Variants in IMPG1 observed in about 807,000 individuals in gnomAD.
IMPG1 encodes the protein interphotoreceptor matrix proteoglycan of 150 kDa.
In IMPG1, 85 loss-of-function variants were observed where a neutral mutation model predicts 92.0. That is an observed-to-expected ratio of 0.92 (90% CI 0.78 to 1.11). The LOEUF (loss-of-function observed/expected upper bound fraction) is 1.11. IMPG1 is among the 50% of genes least tolerant of loss of function. The pLI is 0.00. For synonymous variants in IMPG1, 367 were observed against 334.1 expected, an observed-to-expected ratio of 1.10 and a Z score of -1.08; for missense variants, 1,022 against 956.0, an observed-to-expected ratio of 1.07 and a Z score of -0.91.
rs147588079 is a variant in IMPG1, at chr6:76,035,346, A to G, written c.302-559T>C. ...GAAAGCTCGTCTCTACTAAAAATAC[A>G]AAATTAGCTGGGCGTGTTGGTGCAT... On this transcript the variant is annotated intron_variant, in intron 2 of 16. Transcript: ENST00000369950. Among the ~76,000 whole-genome samples the G allele has an allele frequency of 5.7e-3, 863 of 152,116 alleles. 34 individuals are homozygous for G. In the East Asian group the frequency reaches 0.089, roughly 16 times the overall value.
chr6:76,038,746 C>T (rs999447918), intron 2 of IMPG1, among the ~76,000 whole-genome samples: 11 of 152,332 alleles, frequency 7.2e-5, no homozygotes, highest in Admixed American at 2.0e-4. Flanking sequence ...AGTCTTCCCA[C>T]AGTTGCCGGC....
At chr6:76,035,392 G>T (rs1783723585) in intron 2 of IMPG1, among the ~76,000 whole-genome samples, 1 of 151,376 alleles carries the variant, frequency 6.6e-6, no homozygotes, top group African/African-American at 2.4e-5. Context: ...CCAGCTACTT[G>T]GGGGGCTGAG....
intron 12 of IMPG1, among the ~76,000 whole-genome samples, chr6:75,971,206 A>G (rs1466828818): frequency 6.6e-6 from 1 of 151,836 alleles, no homozygotes; most frequent in Non-Finnish European, 1.5e-5. Context: ...TTCTCAGCAA[A>G]CTATCGCACG....
chr6:75,948,376 C>T (rs1781964918), intron 13 of IMPG1, among the ~76,000 whole-genome samples: 1 of 152,140 alleles, frequency 6.6e-6, no homozygotes, highest in Admixed American at 6.6e-5. Context: ...TGAGCCTCCT[C>T]ATTCATGAAT....
At chr6:76,024,892 A>G in intron 5 of IMPG1, 2 of 446,076 alleles carry the variant, frequency 4.5e-6, no homozygotes, top group South Asian at 3.5e-5. Context: ...CTAAGTAAAT[A>G]TGGTCTCAGT....
chr6:75,976,728 G>A (rs982013164), intron 12 of IMPG1, among the ~76,000 whole-genome samples: 36 of 151,944 alleles, frequency 2.4e-4, no homozygotes, highest in South Asian at 1.7e-3. Context: ...TGGCCAACAC[G>A]GTGAAACCTC....
At chr6:76,038,975 G>A (rs1439124909) in intron 2 of IMPG1, among the ~76,000 whole-genome samples, 1 of 152,220 alleles carries the variant, frequency 6.6e-6, no homozygotes, top group Non-Finnish European at 1.5e-5. Flanking sequence ...GCACACATTA[G>A]AGGGTGAAAT....
intron 14 of IMPG1, 143 bp downstream of exon 14, chr6:75,947,171 A>G (rs1347650853): frequency 1.5e-6 from 1 of 645,622 alleles, no homozygotes; most frequent in Non-Finnish European, 2.7e-6. Context: ...GATGTGCTCC[A>G]TAGCTTCCAA....
chr6:76,041,832 A>G, intron 2 of IMPG1, 61 bp downstream of exon 2: 3 of 1,121,064 alleles, frequency 2.7e-6, no homozygotes, highest in Non-Finnish European at 4.1e-6. Context: ...CAACCTATGG[A>G]TGAATGAAAG....
rs573887374 is a variant in IMPG1, at chr6:75,947,401, C to T, written c.1957G>A (p.Val653Met). Residue 653 changes from valine to methionine, a missense_variant, in exon 14 of 17, where the codon GTG (valine) becomes ATG (methionine). Around this residue, in one of 3 missense-constraint regions of IMPG1, gnomAD observed 332 missense variants for 346.2 expected, o/e 0.96. Coordinates refer to ENST00000369950, the MANE Select transcript of IMPG1 (RefSeq NM_001563.4). ...CGAAAATCCTCCAAGACCCCGTGCA[C>T]AGCCTTGGTGAGGTTATACGGCACT... Reference protein sequence around the residue: ...KSVPYNLTKAVHGVLEDFRSA... With the variant: ...KSVPYNLTKAMHGVLEDFRSA... The T allele has an allele frequency of 1.2e-6, 2 of 1,613,898 alleles. No homozygotes were observed. Among genetic ancestry groups the T allele is most frequent in the Non-Finnish European group, 1.7e-6 (2 of 1,179,834 alleles).
At chr6:76,012,759 G>C (rs1268392513) in intron 7 of IMPG1, among the ~76,000 whole-genome samples, 3 of 152,088 alleles carry the variant, frequency 2.0e-5, no homozygotes. Flanking sequence ...TCAGTGATAC[G>C]CAGCCTTGAG....
intron 15 of IMPG1, 101 bp downstream of exon 15, chr6:75,930,852 C>A: frequency 1.8e-6 from 2 of 1,105,958 alleles, no homozygotes; most frequent in Admixed American, 2.1e-5. Flanking sequence ...AGTTTAAAAA[C>A]CATGGGTTGA....
intron 1 of IMPG1, 115 bp downstream of exon 1, chr6:76,072,307 C>A: frequency 9.1e-6 from 5 of 548,170 alleles, no homozygotes; most frequent in South Asian, 2.6e-5. Flanking sequence ...TTATTCAAGG[C>A]CTACTATATA....
chr6:75,989,473 A>T (rs1782778482), intron 12 of IMPG1, among the ~76,000 whole-genome samples: 1 of 152,224 alleles, frequency 6.6e-6, no homozygotes, highest in Non-Finnish European at 1.5e-5. Context: ...CCCTTAAATC[A>T]ATGGCAAACT....
chr6:75,999,971 A>G (rs757779835), intron 12 of IMPG1, among the ~76,000 whole-genome samples: 7 of 152,214 alleles, frequency 4.6e-5, no homozygotes, highest in African/African-American at 7.2e-5. Context: ...GAGGGCCTTA[A>G]AGGAAACACT....
intron 1 of IMPG1, 152 bp from the exon 2 acceptor site, chr6:76,042,278 A>T: frequency 8.2e-6 from 5 of 609,312 alleles, no homozygotes; most frequent in South Asian, 8.0e-5. Flanking sequence ...AATATTCCAA[A>T]TGACAAGGCA....
At chr6:75,999,600 T>C (rs1470581286) in intron 12 of IMPG1, among the ~76,000 whole-genome samples, 2 of 152,236 alleles carry the variant, frequency 1.3e-5, no homozygotes, top group African/African-American at 2.4e-5. Context: ...GTTTTCCATG[T>C]ATAACTGTCT....
intron 13 of IMPG1, among the ~76,000 whole-genome samples, chr6:75,949,346 C>T (rs1781986057): frequency 6.6e-6 from 1 of 152,182 alleles, no homozygotes; most frequent in South Asian, 2.1e-4. Context: ...ATGAGAGTGA[C>T]CTCTGGTCGT....
chr6:75,978,415 T>C (rs1011540839), intron 12 of IMPG1, among the ~76,000 whole-genome samples: 3 of 152,196 alleles, frequency 2.0e-5, no homozygotes, highest in African/African-American at 7.2e-5. Flanking sequence ...TTCTTTTCTA[T>C]ATGCTCTTTA....
Sources: gnomAD v4.1 joint callset for allele counts (sites outside exome capture counted in the v4.1 genomes callset) on GRCh38, gnomAD v4.1.1 for gene constraint, gnomAD v4.1.1 regional missense constraint, MANE v1.5 for transcripts, NCBI Gene and HGNC (gene_info 2026-07-23, HGNC 2026-07-21) for gene names.